ADGB: variants seen among roughly 807,000 people sequenced by gnomAD.
The protein encoded by ADGB is androglobin, also known as calpain-7-like protein.
In ADGB, 172 loss-of-function variants were observed where a neutral mutation model predicts 210.5. The observed-to-expected ratio is 0.82, with a 90% CI of 0.72 to 0.93. The LOEUF is 0.93. Ranked by LOEUF, ADGB falls within the 40% of genes least tolerant of loss-of-function variation. ADGB has a pLI of 0.00. For missense variants in ADGB, 2,025 were observed against 1,964.8 expected (o/e 1.03, Z -0.58); for synonymous variants, 658 against 662.7 (o/e 0.99, Z 0.11).
At chr6:146,763,428 T>C (rs1447073040) in intron 27 of ADGB, among the ~76,000 whole-genome samples, 1 of 152,236 alleles carries the variant, frequency 6.6e-6, no homozygotes, top group Non-Finnish European at 1.5e-5. Context: ...ATATGATCTG[T>C]TAATTAGAAA....
intron 26 of ADGB, among the ~76,000 whole-genome samples, chr6:146,748,108 A>G (rs1015460445): frequency 6.6e-6 from 1 of 152,000 alleles, no homozygotes. Context: ...TATAACAGAA[A>G]ATATGTTAGA....
chr6:146,659,797 A>G (rs926785743), intron 5 of ADGB, among the ~76,000 whole-genome samples: 5 of 152,088 alleles, frequency 3.3e-5, no homozygotes, highest in African/African-American at 1.2e-4. Flanking sequence ...GTGCCTTCCA[A>G]TGGCAGCATT....
At chr6:146,780,963 A>G (rs1777789970) in intron 29 of ADGB, among the ~76,000 whole-genome samples, 1 of 152,124 alleles carries the variant, frequency 6.6e-6, no homozygotes, top group South Asian at 2.1e-4. Flanking sequence ...AAGTCTAAAT[A>G]AAAGTAAAAC....
At chr6:146,782,237 G>A (rs780892631) in intron 30 of ADGB, 45 bp downstream of exon 30, 1 of 1,433,376 alleles carries the variant, frequency 7.0e-7, no homozygotes, top group Non-Finnish European at 9.2e-7. Context: ...ATGATTTTAG[G>A]TTCAGTGGAT....
At chr6:146,731,762 T>C (rs572597547) in intron 20 of ADGB, among the ~76,000 whole-genome samples, 191 of 152,262 alleles carry the variant, frequency 1.3e-3, no homozygotes, top group Non-Finnish European at 2.4e-3. Context: ...ACATATGTCA[T>C]AGTTTAGTTT....
chr6:146,778,276 G>C (rs1452366364), intron 29 of ADGB, among the ~76,000 whole-genome samples: 1 of 152,066 alleles, frequency 6.6e-6, no homozygotes, highest in Non-Finnish European at 1.5e-5. Context: ...ATGAAGGGCT[G>C]GTACTGCAAC....
chr6:146,745,705 G>A (rs927389598), intron 25 of ADGB, among the ~76,000 whole-genome samples: 1 of 152,096 alleles, frequency 6.6e-6, no homozygotes, highest in Non-Finnish European at 1.5e-5. Context: ...ACCACACAAA[G>A]GAAAATATCA....
intron 17 of ADGB, among the ~76,000 whole-genome samples, chr6:146,722,170 A>T (rs138097534): frequency 7.9e-5 from 12 of 152,058 alleles, no homozygotes; most frequent in African/African-American, 2.9e-4. Context: ...CCTCTATCCC[A>T]CCTTGGTCCC....
At chr6:146,681,549 T>A (rs1399470940) in intron 9 of ADGB, among the ~76,000 whole-genome samples, 1 of 152,088 alleles carries the variant, frequency 6.6e-6, no homozygotes, top group African/African-American at 2.4e-5. Flanking sequence ...GACTGCAACC[T>A]CTTTGTTGCA....
rs551186876 is a variant in ADGB, at chr6:146,638,907, C to CAAAAAAAAAAAAAA, written c.237+3374_237+3387dup. ...ACACAAAGTGGAGCATCACCTTCTG[C>CAAAAAAAAAAAAAA]AAAAAAAAAAAAAAAAATGCATTTC... is the stretch of plus-strand genomic sequence containing the variant. On this transcript the variant is annotated intron_variant, in intron 2 of 35. Coordinates refer to ENST00000397944, the MANE Select transcript of ADGB (RefSeq NM_024694.4). 1.6e-5 allele frequency: 2 copies of CAAAAAAAAAAAAAA among 124,362 alleles called. 1 individual carries two copies. Among genetic ancestry groups the CAAAAAAAAAAAAAA allele is most frequent in the Non-Finnish European group, 3.4e-5 (2 of 58,756 alleles). 7.7% of individuals were successfully genotyped at this position (124,362 alleles called of 1,614,324 possible).
chr6:146,711,478 C>T lies in ADGB; in HGVS notation c.1708-3904C>T, dbSNP rs1289233148. 3.9e-5 allele frequency among the ~76,000 whole-genome samples: 6 copies of T among 152,094 alleles called. No individual in the cohort carries two copies. In the East Asian group the frequency reaches 1.2e-3, roughly 30 times the overall value. ...TTGTCTCTCTCCTCTGATGGACTTC[C>T]TATTTTTGGTCTCTCTTCTTTCATG... On this transcript the variant is annotated intron_variant, in intron 13 of 35. Coordinates refer to ENST00000397944, the MANE Select transcript of ADGB (RefSeq NM_024694.4).
chr6:146,693,276 G>C (rs1299703972), intron 12 of ADGB, among the ~76,000 whole-genome samples: 1 of 152,148 alleles, frequency 6.6e-6, no homozygotes, highest in African/African-American at 2.4e-5. Flanking sequence ...GTACTGATCT[G>C]AGAGGATTAG....
At chr6:146,624,796 A>G (rs552406930) in intron 1 of ADGB, among the ~76,000 whole-genome samples, 1 of 151,888 alleles carries the variant, frequency 6.6e-6, no homozygotes, top group African/African-American at 2.4e-5. Flanking sequence ...TATTTTATTC[A>G]AAATGTTTTC....
At chr6:146,696,734 C>T (rs546843781) in intron 12 of ADGB, among the ~76,000 whole-genome samples, 1 of 152,166 alleles carries the variant, frequency 6.6e-6, no homozygotes, top group Non-Finnish European at 1.5e-5. Context: ...AAGGAGTAGA[C>T]AATGTAAGAG....
chr6:146,796,592 C>T (rs531832123), intron 33 of ADGB, among the ~76,000 whole-genome samples: 2 of 152,138 alleles, frequency 1.3e-5, no homozygotes, highest in African/African-American at 2.4e-5. Context: ...CTTTAAAAAG[C>T]AAACAAAACA....
intron 25 of ADGB, among the ~76,000 whole-genome samples, chr6:146,741,892 C>T (rs77734119): frequency 0.024 from 3,725 of 152,232 alleles, 70 homozygotes; most frequent in South Asian, 0.057. Flanking sequence ...TAATGTATAC[C>T]TAGCTGGATA....
intron 8 of ADGB, among the ~76,000 whole-genome samples, chr6:146,674,461 T>C (rs189959125): frequency 1.2e-3 from 184 of 152,278 alleles, no homozygotes; most frequent in African/African-American, 4.1e-3. Flanking sequence ...TATAAGGGGA[T>C]TGGGCCAGCC....
At chr6:146,808,489 A>T (rs1273098637) in intron 35 of ADGB, among the ~76,000 whole-genome samples, 1 of 152,182 alleles carries the variant, frequency 6.6e-6, no homozygotes, top group Non-Finnish European at 1.5e-5. Flanking sequence ...TCTCTAAGAC[A>T]CAGATGAAGT....
intron 12 of ADGB, among the ~76,000 whole-genome samples, chr6:146,694,162 C>T (rs2114925824): frequency 6.6e-6 from 1 of 152,200 alleles, no homozygotes; most frequent in South Asian, 2.1e-4. Flanking sequence ...AGGTAGTTAC[C>T]ATAGCAGCAA....
Sources: gnomAD v4.1 joint callset for allele counts (sites outside exome capture counted in the v4.1 genomes callset) on GRCh38, gnomAD v4.1.1 for gene constraint, MANE v1.5 for transcripts, NCBI Gene and HGNC (gene_info 2026-07-23, HGNC 2026-07-21) for gene names.